Variants in KIF27 observed in about 807,000 individuals in gnomAD.
The protein encoded by KIF27 is kinesin family member 27.
A neutral mutation model predicts 141.8 loss-of-function variants in KIF27; 84 were observed. The ratio of observed to expected loss-of-function variants is 0.59; its 90% CI spans 0.50 to 0.71. The LOEUF (loss-of-function observed/expected upper bound fraction) is 0.71, where lower values mean the gene tolerates loss of function less well. Ranked by LOEUF, KIF27 falls within the 30% of genes least tolerant of loss-of-function variation. The pLI is 0.00. For synonymous variants in KIF27, 471 were observed against 569.5 expected (o/e 0.83, Z 2.46); for missense variants, 1,306 against 1,628.4 (o/e 0.80, Z 3.41).
At chr9:83,875,053 A>G (rs1951101426) in intron 11 of KIF27, among the ~76,000 whole-genome samples, 2 of 151,874 alleles carry the variant, frequency 1.3e-5, no homozygotes, top group South Asian at 4.2e-4. Flanking sequence ...TTCCCTAAGC[A>G]TGGATTTAGA....
At chr9:83,890,980 T>C (rs1952619384) in intron 6 of KIF27, among the ~76,000 whole-genome samples, 1 of 152,210 alleles carries the variant, frequency 6.6e-6, no homozygotes, top group Admixed American at 6.5e-5. Flanking sequence ...CAACTTTGTG[T>C]GGTTAAAGGA....
In KIF27 at chr9:83,837,445, T is replaced by C. The variant is rs1264266367; in HGVS notation, c.3762A>G (p.Gly1254=). The change falls in exon 18 of 18, where the codon GGA becomes GGG. Residue 1254 remains glycine, a synonymous_variant. Coordinates refer to ENST00000297814, the MANE Select transcript of KIF27 (RefSeq NM_017576.4). ...AGDGVLKPEG[G]GMLSEELKWA... ...ATTTTAATTCTTCTGAAAGCATGCC[T>C]CCTCCTTCTGGCTTCAGGACTCCAT... The C allele has an allele frequency of 6.2e-7, 1 of 1,613,516 alleles. No homozygotes were observed. The highest frequency in any genetic ancestry group is 1.1e-5 in the South Asian group (1 of 90,892).
chr9:83,850,264 G>C lies in KIF27; in HGVS notation c.3391C>G (p.Gln1131Glu). Reference protein sequence around the residue: ...VNLREAERKQQLYNEEMKMKV... With the variant: ...VNLREAERKQELYNEEMKMKV... Reference sequence around the variant, plus strand: ...ATTTTCATTTCTTCATTATATAACTGTTGTTTCCGTTCAGCTTCTCGCAAA... The same window carrying C: ...ATTTTCATTTCTTCATTATATAACTCTTGTTTCCGTTCAGCTTCTCGCAAA... The change falls in exon 16 of 18, where the codon CAG becomes GAG. Residue 1131 changes from glutamine (Q) to glutamate (E), a missense_variant. By Grantham distance (29) the Gln-to-Glu change is conservative. Around this residue, in one of 4 missense-constraint regions of KIF27, gnomAD observed 596 missense variants for 751.6 expected, o/e 0.79. Coordinates refer to ENST00000297814, the MANE Select transcript of KIF27 (RefSeq NM_017576.4). The C allele has an allele frequency of 6.2e-7, 1 of 1,613,720 alleles. No individual in the cohort carries two copies. The highest frequency in any genetic ancestry group is 8.5e-7 in the Non-Finnish European group (1 of 1,179,730).
rs1948018040 is a variant in KIF27 at position 83,848,317 on chromosome 9, A to ATATATGATATATATGATATATCG, written c.3556+1781_3556+1782insCGATATATCATATATATCATATA. Among the ~76,000 whole-genome samples, 2 of 109,664 alleles carry ATATATGATATATATGATATATCG rather than the reference A, an allele frequency of 1.8e-5. 1 individual carries two copies. Among genetic ancestry groups the ATATATGATATATATGATATATCG allele is most frequent in the Non-Finnish European group, 3.5e-5 (2 of 56,772 alleles). The allele number at this position is 109,664 out of a possible 152,430, so 71.9% of individuals were successfully genotyped here. A position where few individuals can be genotyped will look rare whatever the true frequency, so the allele number is the denominator to read the frequency against. ...TCAGATATGATATATATGATATATCATATATCTATATATCTATATATATCT... is the reference window on the plus strand; with the variant it reads ...TCAGATATGATATATATGATATATCATATATGATATATATGATATATCGTATATCTATATATCTATATATATCT... On this transcript the variant is annotated intron_variant, in intron 16 of 17. Coordinates refer to ENST00000297814, the MANE Select transcript of KIF27 (RefSeq NM_017576.4).
rs767037994 is a variant in KIF27, at chr9:83,842,412, A to C, written c.3557-11T>G. On this transcript the variant is annotated splice_polypyrimidine_tract_variant and intron_variant, in intron 16 of 17. Transcript: ENST00000297814. ...CTTCTCCATCTTGTTCTATACAACA[A>C]AAATTTGCATTTAAAATCAGTTTTA... is the stretch of plus-strand genomic sequence containing the variant. 1.4e-6 allele frequency: 2 copies of C among 1,477,858 alleles called. No individual in the cohort carries two copies. The highest frequency in any genetic ancestry group is 9.0e-7 in the Non-Finnish European group (1 of 1,113,712). The allele number at this position is 1,477,858 out of a possible 1,614,324, so 91.5% of individuals were successfully genotyped here.
intron 5 of KIF27, among the ~76,000 whole-genome samples, chr9:83,899,286 G>C (rs963076188): frequency 6.6e-6 from 1 of 151,086 alleles, no homozygotes; most frequent in East Asian, 1.9e-4. Context: ...CTCACGAGGT[G>C]TAAGAGGATA....
At chr9:83,850,834 T>TC (rs1948485465) in intron 15 of KIF27, among the ~76,000 whole-genome samples, 2 of 107,532 alleles carry the variant, frequency 1.9e-5, no homozygotes, top group Admixed American at 1.7e-4. Flanking sequence ...CATTTTCTTT[T>TC]TTTTTTTTTT....
intron 2 of KIF27, among the ~76,000 whole-genome samples, chr9:83,912,727 C>T (rs1372761381): frequency 6.6e-6 from 1 of 152,002 alleles, no homozygotes. Flanking sequence ...AAGTTTTATA[C>T]CTCAACAACT....
At chr9:83,916,686 C>T (rs1376102855) in intron 1 of KIF27, among the ~76,000 whole-genome samples, 8 of 133,250 alleles carry the variant, frequency 6.0e-5, no homozygotes, top group East Asian at 2.2e-4. Flanking sequence ...TTTTTTGAGA[C>T]GGAGTCTCGC....
At chr9:83,920,341 T>C (rs947710663) in intron 1 of KIF27, among the ~76,000 whole-genome samples, 6 of 152,204 alleles carry the variant, frequency 3.9e-5, no homozygotes, top group Admixed American at 2.6e-4. Flanking sequence ...TGATCAATTA[T>C]AGTCATCAGA....
chr9:83,881,995 TA>T (rs1178751498), intron 10 of KIF27, among the ~76,000 whole-genome samples: 1 of 152,162 alleles, frequency 6.6e-6, no homozygotes, highest in Non-Finnish European at 1.5e-5. Context: ...GTTTTTAATT[TA>T]AAAATGTTTT....
At chr9:83,895,184 C>T (rs1291077771) in intron 5 of KIF27, among the ~76,000 whole-genome samples, 1 of 150,044 alleles carries the variant, frequency 6.7e-6, no homozygotes, top group East Asian at 2.0e-4. Flanking sequence ...ATGGCATGAA[C>T]CCAGGAGGCA....
chr9:83,917,964 G>GA (rs773386439), intron 1 of KIF27, among the ~76,000 whole-genome samples: 16 of 152,116 alleles, frequency 1.1e-4, no homozygotes, highest in Non-Finnish European at 2.2e-4. Context: ...TACATGTACT[G>GA]AAAAATCACA....
intron 14 of KIF27, chr9:83,855,205 T>G (rs1357798373): frequency 2.0e-5 from 3 of 152,226 alleles, no homozygotes; most frequent in Non-Finnish European, 4.4e-5. Flanking sequence ...TAGCTAATTT[T>G]TGTATTTTTA....
rs545562536 is a variant in KIF27 at position 83,861,677 on chromosome 9, C to T, written c.2935-2306G>A. On this transcript the variant is annotated intron_variant, in intron 13 of 17. Coordinates refer to ENST00000297814, the MANE Select transcript of KIF27 (RefSeq NM_017576.4). Reference sequence around the variant, plus strand: ...TCTTTATAGCAGCATGATTTATAATCCTTTGGGTATATACCCAGTAATGGG... The same window carrying T: ...TCTTTATAGCAGCATGATTTATAATTCTTTGGGTATATACCCAGTAATGGG... Among the ~76,000 whole-genome samples the T allele has an allele frequency of 4.9e-3, 738 of 151,734 alleles. 3 individuals carry two copies. Among genetic ancestry groups the T allele is most frequent in the Non-Finnish European group, 7.2e-3 (486 of 67,950 alleles).
In KIF27 at chr9:83,903,145, C is replaced by T. The variant is rs768828645; in HGVS notation, c.1373G>A (p.Arg458Gln). The change falls in exon 4 of 18, where the codon CGA becomes CAA. Residue 458 changes from arginine (R) to glutamine (Q), a missense_variant. Arg to Gln is a conservative substitution (Grantham distance 43, BLOSUM62 1). Coordinates refer to ENST00000297814, the MANE Select transcript of KIF27 (RefSeq NM_017576.4). The stretch of plus-strand genomic sequence containing the variant: ...CAGACTTGCAGTGCCTCCGATTCCT[C>T]GAAATGAGGTGAGGACAGCCTTCCT... The part of the protein sequence containing the change: ...EVRKAVLTSF[R>Q]GIGGTASLEE... 1.9e-6 allele frequency: 3 copies of T among 1,614,162 alleles called. No homozygotes were observed. The highest frequency in any genetic ancestry group is 2.2e-5 in the East Asian group (1 of 44,880).
intron 17 of KIF27, among the ~76,000 whole-genome samples, chr9:83,841,093 AG>A (rs1375118924): frequency 6.6e-6 from 1 of 151,686 alleles, no homozygotes; most frequent in Non-Finnish European, 1.5e-5. Flanking sequence ...TTTTTGAGAC[AG>A]AGTTTCGCTC....
At chr9:83,841,112 C>G (rs2131487564) in intron 17 of KIF27, among the ~76,000 whole-genome samples, 1 of 152,058 alleles carries the variant, frequency 6.6e-6, no homozygotes, top group South Asian at 2.1e-4. Context: ...CTCTTGTTGC[C>G]CAGGTCGGGG....
At chr9:83,858,474 T>G (rs908363657) in intron 14 of KIF27, 4 of 152,106 alleles carry the variant, frequency 2.6e-5, no homozygotes, top group African/African-American at 9.7e-5. Context: ...CAAAAATTCA[T>G]CTTTCTCTGA....
Sources: allele counts gnomAD v4.1 joint callset (sites outside exome capture counted in the v4.1 genomes callset), GRCh38; gene constraint gnomAD v4.1.1; regional missense constraint gnomAD v4.1.1; transcripts MANE v1.5; gene names NCBI Gene and HGNC (gene_info 2026-07-23, HGNC 2026-07-21).